ADAM28: variants seen among roughly 807,000 people sequenced by gnomAD.
The protein encoded by ADAM28 is ADAM metallopeptidase domain 28.
A neutral mutation model predicts 101.2 loss-of-function variants in ADAM28; 105 were observed. The ratio of observed to expected loss-of-function variants is 1.04; its 90% CI spans 0.89 to 1.22. The LOEUF (loss-of-function observed/expected upper bound fraction) is 1.22, where lower values mean the gene tolerates loss of function less well. Ranked by LOEUF, ADAM28 falls within the 50% of genes most tolerant of loss-of-function variation. The probability of loss-of-function intolerance (pLI) is 0.00; values close to 1 mark genes in which losing one functional copy is unlikely to be tolerated. For missense variants in ADAM28, 1,028 were observed against 945.4 expected, an observed-to-expected ratio of 1.09 and a Z score of -1.15; for synonymous variants, 322 against 310.6, an observed-to-expected ratio of 1.04 and a Z score of -0.39.
At chr8:24,332,121 G>A (rs902539142) in intron 12 of ADAM28, among the ~76,000 whole-genome samples, 1 of 152,148 alleles carries the variant, frequency 6.6e-6, no homozygotes, top group African/African-American at 2.4e-5. Flanking sequence ...CTAGACAGCT[G>A]CAGGGGAACA....
chr8:24,344,414 G>A (rs7000645), intron 18 of ADAM28, among the ~76,000 whole-genome samples: 11,617 of 152,084 alleles, frequency 0.076, 810 homozygotes, highest in African/African-American at 0.18. Flanking sequence ...TTGCAGAAAC[G>A]GAGAAATTCT....
chr8:24,355,517 C>G lies in ADAM28; in HGVS notation c.*1113C>G, dbSNP rs1044547115. ...GATGATTTTATAATCCTCCCCCTCC[C>G]TTTTTTTTTTTGCTAGTAAGACGAC... On this transcript the variant is annotated 3_prime_UTR_variant, in exon 23 of 23. Transcript: ENST00000265769. 5 of 145,702 alleles carry G rather than the reference C, an allele frequency of 3.4e-5. No individual in the cohort carries two copies. The highest frequency in any genetic ancestry group is 1.3e-4 in the African/African-American group (5 of 39,888). The allele number at this position is 145,702 out of a possible 1,614,324, so 9.0% of individuals were successfully genotyped here.
At chr8:24,316,563 C>G (rs550793453) in intron 6 of ADAM28, among the ~76,000 whole-genome samples, 1 of 152,086 alleles carries the variant, frequency 6.6e-6, no homozygotes, top group Non-Finnish European at 1.5e-5. Flanking sequence ...GGTTTACCTG[C>G]CCACTCTTCT....
At position 24,294,112 on chromosome 8, in the gene ADAM28, C is replaced by G; in HGVS notation, c.-38C>G. ...ACAGACCCAGCAGCACCCACCTGAG[C>G]GAGAAGAGCAGACACCGTGCTCCTG... On this transcript the variant is annotated 5_prime_UTR_variant, in exon 1 of 23. Transcript: ENST00000265769. 3 of 1,613,238 alleles carry G rather than the reference C, an allele frequency of 1.9e-6. No homozygotes were observed. The highest frequency in any genetic ancestry group is 1.7e-6 in the Non-Finnish European group (2 of 1,179,262).
At chr8:24,330,816 G>C (rs543758461) in intron 11 of ADAM28, among the ~76,000 whole-genome samples, 1 of 152,220 alleles carries the variant, frequency 6.6e-6, no homozygotes, top group East Asian at 1.9e-4. Flanking sequence ...TCCTCTAAAG[G>C]AAAGTGAATT....
At position 24,353,764 on chromosome 8, in the gene ADAM28, A is replaced by G. The variant is rs1239494892; in HGVS notation, c.2245-6A>G. On this transcript the variant is annotated splice_polypyrimidine_tract_variant and splice_region_variant and intron_variant, in intron 21 of 22. Coordinates refer to ENST00000265769, the MANE Select transcript of ADAM28 (RefSeq NM_014265.6). Reference sequence around the variant, plus strand: ...TGCCATACCATTGTTTTTATAATTAACGTAGCATAAAGACACAAACGCACT... The same window carrying G: ...TGCCATACCATTGTTTTTATAATTAGCGTAGCATAAAGACACAAACGCACT... 1 of 1,464,760 alleles carries G rather than the reference A, an allele frequency of 6.8e-7. No homozygotes were observed. Among genetic ancestry groups the G allele is most frequent in the Non-Finnish European group, 9.6e-7 (1 of 1,044,936 alleles). 90.7% of individuals were successfully genotyped at this position (1,464,760 alleles called of 1,614,324 possible).
chr8:24,307,554 C>T (rs1237017908), intron 2 of ADAM28, among the ~76,000 whole-genome samples: 1 of 152,094 alleles, frequency 6.6e-6, no homozygotes, highest in Non-Finnish European at 1.5e-5. Flanking sequence ...ATATGAATGA[C>T]ATAAGGACTA....
rs1011447592 is a variant in ADAM28, at chr8:24,335,933, C to T, written c.1567+292C>T. 3.3e-5 allele frequency: 37 copies of T among 1,110,848 alleles called. No individual in the cohort carries two copies. In the East Asian group the frequency reaches 5.0e-4, roughly 15 times the overall value. 68.8% of individuals were successfully genotyped at this position (1,110,848 alleles called of 1,614,324 possible). On this transcript the variant is annotated intron_variant, in intron 14 of 22. Coordinates refer to ENST00000265769, the MANE Select transcript of ADAM28 (RefSeq NM_014265.6). ...ATGCAATATTTGAGGTGTGCTCATACTAAAATTATTTGTGTATCTGAAATT... is the reference window on the plus strand; with the variant it reads ...ATGCAATATTTGAGGTGTGCTCATATTAAAATTATTTGTGTATCTGAAATT...
intron 7 of ADAM28, among the ~76,000 whole-genome samples, chr8:24,320,825 C>A (rs1811769607): frequency 6.6e-6 from 1 of 151,968 alleles, no homozygotes; most frequent in South Asian, 2.1e-4. Flanking sequence ...TATAAGTCAA[C>A]CATTAGCTCA....
At chr8:24,351,870 T>G in intron 20 of ADAM28, 117 bp from the exon 21 acceptor site, 1 of 878,246 alleles carries the variant, frequency 1.1e-6, no homozygotes, top group Non-Finnish European at 1.8e-6. Flanking sequence ...ATCTGGTCTC[T>G]TGGTGTCAGC....
chr8:24,305,911 C>A (rs925198260), intron 2 of ADAM28, among the ~76,000 whole-genome samples: 2 of 152,040 alleles, frequency 1.3e-5, no homozygotes, highest in Admixed American at 6.6e-5. Context: ...CTTTGAATTA[C>A]CCCACAATAA....
At chr8:24,353,090 T>C (rs977959864) in intron 21 of ADAM28, among the ~76,000 whole-genome samples, 3 of 152,158 alleles carry the variant, frequency 2.0e-5, no homozygotes, top group Admixed American at 6.6e-5. Flanking sequence ...TAAATTAGTA[T>C]GGATATTGAT....
chr8:24,351,493 G>A (rs926862766), intron 20 of ADAM28, 183 bp downstream of exon 20: 17 of 682,328 alleles, frequency 2.5e-5, no homozygotes, highest in Middle Eastern at 2.6e-4. Context: ...CTACTTTGCC[G>A]GGGTTCATGA....
intron 13 of ADAM28, 128 bp from the exon 14 acceptor site, chr8:24,335,318 T>C: frequency 7.1e-7 from 1 of 1,406,458 alleles, no homozygotes; most frequent in Non-Finnish European, 9.4e-7. Flanking sequence ...CAATGTAAGC[T>C]TCAGTGAAAT....
At chr8:24,308,626 C>T in intron 2 of ADAM28, 1 of 456,138 alleles carries the variant, frequency 2.2e-6, no homozygotes, top group South Asian at 1.5e-5. Context: ...TTTTCAATGC[C>T]CTTTCTCTTT....
At chr8:24,347,831 C>T (rs558673997) in intron 18 of ADAM28, among the ~76,000 whole-genome samples, 5 of 152,140 alleles carry the variant, frequency 3.3e-5, no homozygotes, top group East Asian at 3.9e-4. Flanking sequence ...ATAGCTGTAA[C>T]GTATTTGTTT....
At chr8:24,336,029 TGTGTGTGCGG>T (rs1281528388) in intron 14 of ADAM28, 1 of 1,005,522 alleles carries the variant, frequency 9.9e-7, no homozygotes, top group East Asian at 1.0e-4. Context: ...TGGAAATCTG[TGTGTGTGCGG>T]GTGTGTGTGT....
Position 24,321,308 on chromosome 8 carries a change from C to T in ADAM28, c.720+19C>T, listed in dbSNP as rs1277162970. 8 of 1,570,680 alleles carry T rather than the reference C, an allele frequency of 5.1e-6. No homozygotes were observed. The highest frequency in any genetic ancestry group is 7.0e-6 in the Non-Finnish European group (8 of 1,141,528). On this transcript the variant is annotated intron_variant, in intron 8 of 22. Transcript: ENST00000265769. ...CAACATGGTAAGACATATTTTATTACCTGCAGTTTTAAACAGTTTGCTGGG... is the reference window on the plus strand; with the variant it reads ...CAACATGGTAAGACATATTTTATTATCTGCAGTTTTAAACAGTTTGCTGGG...
intron 10 of ADAM28, among the ~76,000 whole-genome samples, chr8:24,327,385 A>G (rs1812763165): frequency 6.6e-6 from 1 of 152,176 alleles, no homozygotes; most frequent in Admixed American, 6.6e-5. Context: ...CAAGGAAGTA[A>G]GAAAGGACAC....
Sources: allele counts gnomAD v4.1 joint callset (sites outside exome capture counted in the v4.1 genomes callset), GRCh38; gene constraint gnomAD v4.1.1; transcripts MANE v1.5; gene names NCBI Gene and HGNC (gene_info 2026-07-23, HGNC 2026-07-21).